Variants in LRRK1 observed in about 807,000 individuals in gnomAD.
LRRK1 encodes leucine rich repeat kinase 1, also known as leucine-rich repeat serine/threonine-protein kinase 1.
Under a neutral mutation model 209.1 loss-of-function variants are expected in LRRK1, and 113 were observed. That is an observed-to-expected ratio of 0.54 (90% CI 0.46 to 0.63). LRRK1 has a LOEUF of 0.63. LRRK1 is among the 30% of genes least tolerant of loss of function. The pLI, the probability that LRRK1 is intolerant of heterozygous loss-of-function variation, is 0.00. For synonymous variants in LRRK1, 1,144 were observed against 1,099.7 expected (o/e 1.04, Z -0.80); for missense variants, 2,284 against 2,632.2 (o/e 0.87, Z 2.89).
chr15:100,968,910 C>T lies in LRRK1; in HGVS notation c.98-4894C>T, dbSNP rs143924769. Among the ~76,000 whole-genome samples, 574 of 151,984 alleles carry T rather than the reference C, an allele frequency of 3.8e-3. 7 individuals carry two copies. Among genetic ancestry groups the T allele is most frequent in the African/African-American group, 0.013 (539 of 41,420 alleles). The stretch of plus-strand genomic sequence containing the variant: ...GTGGAGTGCAGTGGTGTAGTCACAG[C>T]TCATTGAAGCCTTGACCTCCTGGGC... On this transcript the variant is annotated intron_variant, in intron 2 of 33. Transcript: ENST00000388948.
At position 101,071,260 on chromosome 15, in the gene LRRK1, T is replaced by C. The variant is rs2036794094; in HGVS notation, c.*2412T>C. On this transcript the variant is annotated 3_prime_UTR_variant, in exon 34 of 34. Coordinates refer to ENST00000388948, the MANE Select transcript of LRRK1 (RefSeq NM_024652.6). ...TCAGCTGGACCACAGGCATCTCAGATAGATGTCACTTACCACCCTCATGTT... is the reference window on the plus strand; with the variant it reads ...TCAGCTGGACCACAGGCATCTCAGACAGATGTCACTTACCACCCTCATGTT... The C allele has an allele frequency of 6.6e-6, 1 of 152,302 alleles. No homozygotes were observed. The highest frequency in any genetic ancestry group is 2.4e-5 in the African/African-American group (1 of 41,466). 9.4% of individuals were successfully genotyped at this position (152,302 alleles called of 1,614,324 possible).
Position 101,027,712 on chromosome 15 carries a change from G to T in LRRK1, c.2601G>T (p.Val867=), listed in dbSNP as rs2034104535. The T allele has an allele frequency of 1.9e-6, 3 of 1,612,646 alleles. No individual in the cohort carries two copies. In the East Asian group the frequency reaches 6.7e-5, roughly 36 times the overall value. The change falls in exon 19 of 34, where the codon GTG becomes GTT. Residue 867 remains valine (V), a synonymous_variant. Coordinates refer to ENST00000388948, the MANE Select transcript of LRRK1 (RefSeq NM_024652.6). This position sits in a 1 kb window ranked among gnomAD's most constrained non-coding sequence, Gnocchi z 5.1. ...AGCGCCGCAGCCGGGACGACGACGT[G>T]CAGTACCTGACGGACAGGCAGCTGG... is the stretch of plus-strand genomic sequence containing the variant. The part of the protein sequence containing the change: ...EQQRRSRDDD[V]QYLTDRQLEQ...
In LRRK1 at chr15:101,048,443, G is replaced by T. The variant is rs1045519777; in HGVS notation, c.3136-51G>T. 4 of 1,549,092 alleles carry T rather than the reference G, an allele frequency of 2.6e-6. No individual in the cohort carries two copies. In the African/African-American group the frequency reaches 4.2e-5, roughly 16 times the overall value. ...CGGCCTCTGCAGAGCTCTGCCCAGG[G>T]CCAGCGAGGAGCCCAGAATACTTAA... On this transcript the variant is annotated intron_variant, in intron 21 of 33. Transcript: ENST00000388948.
Position 101,053,425 on chromosome 15 carries a change from C to T in LRRK1, c.4054+5C>T, listed in dbSNP as rs778530129. On this transcript the variant is annotated splice_donor_5th_base_variant and intron_variant, in intron 26 of 33. Coordinates refer to ENST00000388948, the MANE Select transcript of LRRK1 (RefSeq NM_024652.6). ...TGCTGTCCGAGAACGCCAGAGGTAC[C>T]GCGGCGCGCCGCCCCACCCGGCCCC... 22 of 1,568,640 alleles carry T rather than the reference C, an allele frequency of 1.4e-5. No individual in the cohort carries two copies. Among genetic ancestry groups the T allele is most frequent in the African/African-American group, 4.1e-5 (3 of 73,974 alleles).
At chr15:100,962,011 C>T (rs572888617) in intron 2 of LRRK1, among the ~76,000 whole-genome samples, 23 of 152,316 alleles carry the variant, frequency 1.5e-4, no homozygotes, top group African/African-American at 5.3e-4. Context: ...TCCTTGCTCT[C>T]CATCCTTTTT....
At chr15:100,966,719 A>G (rs773916441) in intron 2 of LRRK1, among the ~76,000 whole-genome samples, 7 of 152,194 alleles carry the variant, frequency 4.6e-5, no homozygotes, top group Non-Finnish European at 7.3e-5. Context: ...ATATGGTGTC[A>G]CCCTGCAACT....
At chr15:100,937,009 A>G (rs574528854) in intron 2 of LRRK1, among the ~76,000 whole-genome samples, 29 of 152,370 alleles carry the variant, frequency 1.9e-4, no homozygotes, top group African/African-American at 7.0e-4. Flanking sequence ...CTTTGCCTAT[A>G]AAACCATACA....
At chr15:100,950,658 T>G (rs2042626054) in intron 2 of LRRK1, among the ~76,000 whole-genome samples, 2 of 152,312 alleles carry the variant, frequency 1.3e-5, no homozygotes, top group East Asian at 3.9e-4. Flanking sequence ...CTTCATCAGT[T>G]AAAAATTTTT....
chr15:100,924,570 C>G lies in LRRK1; in HGVS notation c.-63C>G, dbSNP rs1273171361. On this transcript the variant is annotated 5_prime_UTR_variant, in exon 2 of 34. Coordinates refer to ENST00000388948, the MANE Select transcript of LRRK1 (RefSeq NM_024652.6). ...GTCCACGCCTTAATGCACCCCACAG[C>G]CAGCGGCAGTGGCAGTGACAACAGC... 1.4e-6 allele frequency: 2 copies of G among 1,464,744 alleles called. No homozygotes were observed. Among genetic ancestry groups the G allele is most frequent in the African/African-American group, 2.8e-5 (2 of 71,904 alleles). The allele number at this position is 1,464,744 out of a possible 1,614,324, so 90.7% of individuals were successfully genotyped here.
intron 23 of LRRK1, among the ~76,000 whole-genome samples, chr15:101,050,476 C>T (rs1222740177): frequency 6.6e-6 from 1 of 151,376 alleles, no homozygotes; most frequent in Non-Finnish European, 1.5e-5. Flanking sequence ...AGAGCTTCAG[C>T]CCTGAACGCT....
At chr15:101,054,920 A>G (rs2035706622) in intron 26 of LRRK1, 26 bp from the exon 27 acceptor site, 1 of 1,550,988 alleles carries the variant, frequency 6.4e-7, no homozygotes, top group African/African-American at 1.4e-5. Flanking sequence ...ATTTTGATAC[A>G]TTTGAAAATT....
chr15:100,933,143 C>A (rs1358144393), intron 2 of LRRK1, among the ~76,000 whole-genome samples: 1 of 152,192 alleles, frequency 6.6e-6, no homozygotes, highest in African/African-American at 2.4e-5. Context: ...TTATTTTGCC[C>A]TCTCCTGCGA....
rs527373462 is a variant in LRRK1 at position 101,056,646 on chromosome 15, G to A, written c.4333-210G>A. Among the ~76,000 whole-genome samples the A allele has an allele frequency of 8.2e-4, 125 of 152,338 alleles. 2 individuals carry two copies. Among genetic ancestry groups the A allele is most frequent in the Middle Eastern group, 6.8e-3 (2 of 294 alleles). On this transcript the variant is annotated intron_variant, in intron 27 of 33. Coordinates refer to ENST00000388948, the MANE Select transcript of LRRK1 (RefSeq NM_024652.6). ...GGGTGGATGGATGGATGGAAAGAAG[G>A]AAGGGTGAGAAAATGGATAGATAAA...
At chr15:101,020,045 A>G (rs185075725) in intron 12 of LRRK1, among the ~76,000 whole-genome samples, 1 of 152,260 alleles carries the variant, frequency 6.6e-6, no homozygotes, top group Non-Finnish European at 1.5e-5. Flanking sequence ...AAAACAGCCA[A>G]CTGTGGTATA....
intron 2 of LRRK1, among the ~76,000 whole-genome samples, chr15:100,926,845 C>T (rs564278843): frequency 6.6e-6 from 1 of 152,024 alleles, no homozygotes; most frequent in South Asian, 2.1e-4. Flanking sequence ...CCACCACGCC[C>T]AGCTAATTTT....
Position 101,027,466 on chromosome 15 carries a change from C to A in LRRK1, c.2526+85C>A. The stretch of plus-strand genomic sequence containing the variant: ...TCACTTCCCCCTCTCTCCTGTGAAG[C>A]CCATGTCTGTGTGGCAAGGCTCGGT... On this transcript the variant is annotated intron_variant, in intron 18 of 33. Transcript: ENST00000388948. The surrounding 1 kb of genome is among the most constrained non-coding windows in gnomAD (Gnocchi z 5.1). 6.4e-7 allele frequency: 1 copy of A among 1,554,338 alleles called. No individual in the cohort carries two copies. The highest frequency in any genetic ancestry group is 8.7e-7 in the Non-Finnish European group (1 of 1,148,274).
At chr15:100,929,136 G>A (rs1346187038) in intron 2 of LRRK1, among the ~76,000 whole-genome samples, 4 of 152,154 alleles carry the variant, frequency 2.6e-5, no homozygotes, top group South Asian at 2.1e-4. Context: ...AACCAGTCCC[G>A]CCAGCCAAGG....
intron 27 of LRRK1, 123 bp from the exon 28 acceptor site, chr15:101,056,733 G>C (rs2035828604): frequency 8.8e-6 from 6 of 678,372 alleles, no homozygotes; most frequent in Non-Finnish European, 1.5e-5. Context: ...ACATGGTCAG[G>C]TGGTTTGTTG....
intron 2 of LRRK1, among the ~76,000 whole-genome samples, chr15:100,968,299 G>T (rs1329327627): frequency 1.3e-5 from 2 of 152,062 alleles, no homozygotes; most frequent in Non-Finnish European, 2.9e-5. Flanking sequence ...TATGAATAAG[G>T]CTGCTGTGAA....
Sources: gnomAD v4.1 joint callset for allele counts (sites outside exome capture counted in the v4.1 genomes callset) on GRCh38, gnomAD v4.1.1 for gene constraint, Gnocchi (gnomAD v3.1) non-coding constraint, MANE v1.5 for transcripts, NCBI Gene and HGNC (gene_info 2026-07-23, HGNC 2026-07-21) for gene names.